AKTIP: variants seen among roughly 807,000 people sequenced by gnomAD.
AKTIP encodes the protein AKT interacting protein, also known as AKT-interacting protein.
AKTIP carries 16 observed loss-of-function variants against 39.1 expected under a neutral mutation model. That is an observed-to-expected ratio of 0.41 (90% CI 0.28 to 0.62). The LOEUF (loss-of-function observed/expected upper bound fraction) is 0.62. Ranked by LOEUF, AKTIP falls within the 20% of genes least tolerant of loss-of-function variation. AKTIP has a pLI of 0.32. For missense variants in AKTIP, 262 were observed against 356.6 expected, an observed-to-expected ratio of 0.73 and a Z score of 2.14; for synonymous variants, 93 against 124.3, an observed-to-expected ratio of 0.75 and a Z score of 1.67.
intron 8 of AKTIP, chr16:53,493,922 T>C (rs535834797): frequency 3.8e-6 from 2 of 521,748 alleles, no homozygotes; most frequent in African/African-American, 1.9e-5. Context: ...CACCAGAGAA[T>C]GTGCTGTCGG....
Position 53,495,187 on chromosome 16 carries a change from TAA to T in AKTIP, c.314-16_314-15del, listed in dbSNP as rs753996554. The T allele has an allele frequency of 8.7e-6, 14 of 1,612,092 alleles. No individual in the cohort carries two copies. The highest frequency in any genetic ancestry group is 1.1e-5 in the Non-Finnish European group (13 of 1,178,854). On this transcript the variant is annotated splice_polypyrimidine_tract_variant and intron_variant, in intron 4 of 9. Coordinates refer to ENST00000394657, the MANE Select transcript of AKTIP (RefSeq NM_022476.4). ...CTCCAAACCACACTGTAGGAAAAAA[TAA>T]AAGAGTTAAGGCCTAAATTTGTGTG...
chr16:53,498,465 T>G lies in AKTIP; in HGVS notation c.174A>C (p.Pro58=), dbSNP rs776770248. The G allele has an allele frequency of 8.1e-6, 13 of 1,613,904 alleles. No individual in the cohort carries two copies. Among genetic ancestry groups the G allele is most frequent in the Non-Finnish European group, 5.9e-6 (7 of 1,179,862 alleles). Residue 58 remains proline (P), a synonymous_variant, in exon 3 of 10, where the codon CCA becomes CCC. Transcript: ENST00000394657. ...LPITKPTSPA[P]AAQSTNGTHA... ...GCGTGCCATTTGTTGACTGTGCTGCTGGGGCAGGAGATGTAGGCTTAGTTA... is the reference window on the plus strand; with the variant it reads ...GCGTGCCATTTGTTGACTGTGCTGCGGGGGCAGGAGATGTAGGCTTAGTTA...
intron 5 of AKTIP, 49 bp from the exon 6 acceptor site, chr16:53,494,654 T>C: frequency 1.9e-6 from 3 of 1,544,420 alleles, no homozygotes; most frequent in Non-Finnish European, 2.7e-6. Context: ...GCAGTGGCGC[T>C]TATGAGACCC....
At chr16:53,495,423 A>G (rs1961771569) in intron 3 of AKTIP, 97 bp from the exon 4 acceptor site, 1 of 1,162,186 alleles carries the variant, frequency 8.6e-7, no homozygotes, top group Admixed American at 1.9e-5. Flanking sequence ...ACGGCCCCTC[A>G]ATGGGCAGCT....
At chr16:53,496,093 T>C (rs1567758216) in intron 3 of AKTIP, among the ~76,000 whole-genome samples, 2 of 152,240 alleles carry the variant, frequency 1.3e-5, no homozygotes, top group Non-Finnish European at 2.9e-5. Context: ...CTGATCACAT[T>C]AACCTACCAA....
intron 1 of AKTIP, chr16:53,501,741 T>C (rs1249089880): frequency 1.3e-5 from 2 of 152,240 alleles, no homozygotes; most frequent in Non-Finnish European, 2.9e-5. Context: ...CCAGTGCCCA[T>C]TACTGCTGTT....
In AKTIP at chr16:53,494,429, T is replaced by A; in HGVS notation, c.512A>T (p.His171Leu). The A allele has an allele frequency of 6.2e-7, 1 of 1,614,244 alleles. No individual in the cohort carries two copies. Among genetic ancestry groups the A allele is most frequent in the Middle Eastern group, 1.6e-4 (1 of 6,062 alleles). The stretch of plus-strand genomic sequence containing the variant: ...CATTAATACCTGCCAAATATGATTA[T>A]GGTTCCGCCTAAAGGGAAACATGGC... The part of the protein sequence containing the change: ...KRAFAKWRRN[H>L]NHIWQVLMYA... Residue 171 changes from histidine to leucine, a missense_variant, in exon 7 of 10, where the codon CAT becomes CTT. Physicochemically the swap from His to Leu is moderately conservative, Grantham distance 99. This residue lies in a region of AKTIP where 145 missense variants were observed against 159.3 expected (regional missense o/e 0.91). Transcript: ENST00000394657.
intron 8 of AKTIP, 106 bp from the exon 9 acceptor site, chr16:53,492,859 T>G: frequency 4.4e-6 from 4 of 903,758 alleles, no homozygotes; most frequent in Non-Finnish European, 1.8e-6. Context: ...TAAAGCACAG[T>G]ATTTTTTATT....
upstream of AKTIP, among the ~76,000 whole-genome samples, chr16:53,503,939 G>A (rs1459617096): frequency 3.9e-5 from 6 of 151,916 alleles, no homozygotes; most frequent in African/African-American, 1.5e-4. Context: ...TGTGTGTGTC[G>A]GCCCCGACCT....
Position 53,494,040 on chromosome 16 carries a change from T to C in AKTIP, c.710+98A>G. 6 of 894,632 alleles carry C rather than the reference T, an allele frequency of 6.7e-6. No homozygotes were observed. The South Asian group carries it at 8.4e-5, about 13-fold the overall frequency. 55.4% of individuals were successfully genotyped at this position (894,632 alleles called of 1,614,324 possible). A position where few individuals can be genotyped will look rare whatever the true frequency, so the allele number is the denominator to read the frequency against. On this transcript the variant is annotated intron_variant, in intron 8 of 9. Transcript: ENST00000394657. ...AGGTTGTAGGCTAACAGCTTATGCATGTGCCTTTTTATATCCCTATTCTGA... is the reference window on the plus strand; with the variant it reads ...AGGTTGTAGGCTAACAGCTTATGCACGTGCCTTTTTATATCCCTATTCTGA...
chr16:53,503,936 G>A (rs574459754), upstream of AKTIP, among the ~76,000 whole-genome samples: 1 of 151,982 alleles, frequency 6.6e-6, no homozygotes, highest in African/African-American at 2.4e-5. Context: ...ATCTGTGTGT[G>A]TCGGCCCCGA....
intron 1 of AKTIP, chr16:53,502,877 G>T (rs1399412340): frequency 6.6e-6 from 1 of 152,024 alleles, no homozygotes; most frequent in Non-Finnish European, 1.5e-5. Flanking sequence ...GGGCGAGCCA[G>T]CTGGGCCCCC....
Position 53,492,430 on chromosome 16 carries a change from CTCT to C in AKTIP, c.858_860del (p.Glu287del). 6.2e-7 allele frequency: 1 copy of C among 1,612,598 alleles called. No homozygotes were observed. Among genetic ancestry groups the C allele is most frequent in the Non-Finnish European group, 8.5e-7 (1 of 1,180,012 alleles). ...CCATCTCTTAAGTCGCCACTGTTTT[CTCT>C]TCTTTACTGAAAGGCTGTACTGAGC... On this transcript the variant is annotated inframe_deletion, in exon 10 of 10. Transcript: ENST00000394657.
chr16:53,495,346 A>G lies in AKTIP; in HGVS notation c.249-20T>C. On this transcript the variant is annotated intron_variant, in intron 3 of 9. Coordinates refer to ENST00000394657, the MANE Select transcript of AKTIP (RefSeq NM_022476.4). ...AAGGTACTACAACAAAAGCAGAATA[A>G]TTAACTTGTGTGGATACAAATGACA... 6.2e-7 allele frequency: 1 copy of G among 1,613,416 alleles called. No individual in the cohort carries two copies. Among genetic ancestry groups the G allele is most frequent in the Non-Finnish European group, 8.5e-7 (1 of 1,179,400 alleles).
chr16:53,494,082 G>C, intron 8 of AKTIP, 56 bp downstream of exon 8: 1 of 1,310,318 alleles, frequency 7.6e-7, no homozygotes. Context: ...CTGGAGAAAG[G>C]AAGCAGTGTA....
chr16:53,503,536 G>A (rs182171647), upstream of AKTIP, among the ~76,000 whole-genome samples: 60 of 152,374 alleles, frequency 3.9e-4, no homozygotes, highest in East Asian at 8.3e-3. Flanking sequence ...GGATGGGGCA[G>A]AGACAAACAA....
At chr16:53,498,266 G>A in intron 3 of AKTIP, 125 bp downstream of exon 3, 3 of 985,258 alleles carry the variant, frequency 3.0e-6, no homozygotes, top group East Asian at 2.4e-5. Flanking sequence ...GTCTGATACT[G>A]GAAAGGGACA....
chr16:53,497,773 G>A (rs754469613), intron 3 of AKTIP, among the ~76,000 whole-genome samples: 6 of 152,196 alleles, frequency 3.9e-5, no homozygotes, highest in East Asian at 1.9e-4. Context: ...TCTTTGAGAC[G>A]GGGTTTCGCT....
At chr16:53,497,873 C>T (rs1260751248) in intron 3 of AKTIP, among the ~76,000 whole-genome samples, 2 of 152,216 alleles carry the variant, frequency 1.3e-5, no homozygotes, top group Admixed American at 6.5e-5. Flanking sequence ...CTCAGCCTCC[C>T]GAGTAGCTGG....
Sources: allele counts gnomAD v4.1 joint callset (sites outside exome capture counted in the v4.1 genomes callset), GRCh38; gene constraint gnomAD v4.1.1; regional missense constraint gnomAD v4.1.1; transcripts MANE v1.5; gene names NCBI Gene and HGNC (gene_info 2026-07-23, HGNC 2026-07-21).